The following TENM4 variants were observed in gnomAD, a reference collection of about 807,000 sequenced individuals.
TENM4 encodes the protein teneurin-4.
TENM4 carries 82 observed loss-of-function variants against 243.3 expected under a neutral mutation model. That is an observed-to-expected ratio of 0.34 (90% confidence interval 0.28 to 0.40). The LOEUF (loss-of-function observed/expected upper bound fraction) is 0.40. TENM4 is among the 10% of genes least tolerant of loss of function. The pLI, the probability that TENM4 is intolerant of heterozygous loss-of-function variation, is 1.00. For synonymous variants in TENM4, 1,412 were observed against 1,456.3 expected (o/e 0.97, Z 0.69); for missense variants, 3,138 against 3,673.3 (o/e 0.85, Z 3.77).
chr11:78,934,545 T>C (rs1856742128), intron 6 of TENM4, among the ~76,000 whole-genome samples: 1 of 152,206 alleles, frequency 6.6e-6, no homozygotes, highest in African/African-American at 2.4e-5. Flanking sequence ...CTTGACTCTC[T>C]GAGTCTATGA....
chr11:79,046,453 C>A (rs1006576803), intron 6 of TENM4, among the ~76,000 whole-genome samples: 5 of 149,042 alleles, frequency 3.4e-5, no homozygotes, highest in Admixed American at 2.6e-4. Flanking sequence ...CTCTCCCCCC[C>A]AAAAAAACGA....
At chr11:78,926,430 C>T (rs927230700) in intron 6 of TENM4, among the ~76,000 whole-genome samples, 5 of 151,808 alleles carry the variant, frequency 3.3e-5, no homozygotes, top group African/African-American at 1.2e-4. Flanking sequence ...CATGCTACCA[C>T]GCCTGGCTAA....
chr11:78,949,263 G>C (rs1857067586), intron 6 of TENM4, among the ~76,000 whole-genome samples: 1 of 152,222 alleles, frequency 6.6e-6, no homozygotes, highest in African/African-American at 2.4e-5. Flanking sequence ...AGCAGGACTG[G>C]ATGTTAATGC....
chr11:78,800,820 C>A (rs970324051), intron 15 of TENM4, among the ~76,000 whole-genome samples: 2 of 151,022 alleles, frequency 1.3e-5, no homozygotes, highest in African/African-American at 4.9e-5. Flanking sequence ...GACCTTGGAG[C>A]CAGATGTGGT....
In TENM4 at chr11:78,856,036, G is replaced by A. The variant is rs1858672551; in HGVS notation, c.1398C>T (p.Phe466=). The A allele has an allele frequency of 9.0e-6, 14 of 1,551,614 alleles. No individual in the cohort carries two copies. Among genetic ancestry groups the A allele is most frequent in the Non-Finnish European group, 1.2e-5 (14 of 1,147,016 alleles). Reference sequence around the variant, plus strand: ...GGGCTGCCTTTCCCAGAGACACATTGAATTTCAGATGCACAGGATGGTCTA... The same window carrying A: ...GGGCTGCCTTTCCCAGAGACACATTAAATTTCAGATGCACAGGATGGTCTA... ...VFIDHPVHLK[F]NVSLGKAALV... The change falls in exon 11 of 34, where the codon TTC becomes TTT. Residue 466 remains phenylalanine, a synonymous_variant. Transcript: ENST00000278550.
chr11:79,219,276 T>C (rs1864113734), intron 2 of TENM4, among the ~76,000 whole-genome samples: 1 of 152,200 alleles, frequency 6.6e-6, no homozygotes, highest in African/African-American at 2.4e-5. Context: ...GTGGAGGACA[T>C]CACACCCAAC....
intron 2 of TENM4, among the ~76,000 whole-genome samples, chr11:79,279,078 A>T (rs1258988895): frequency 6.6e-6 from 1 of 152,164 alleles, no homozygotes; most frequent in Admixed American, 6.5e-5. Flanking sequence ...CTCACATCCC[A>T]GACAAACAGG....
In TENM4 at chr11:78,670,048, G is replaced by A. The variant is rs548460296; in HGVS notation, c.6297C>T (p.Asn2099=). Reference sequence around the variant, plus strand: ...AGAGATCAATGGGCAGTGGGGTCTCGTTGATCACAGCCTGCATGCTGGTCA... The same window carrying A: ...AGAGATCAATGGGCAGTGGGGTCTCATTGATCACAGCCTGCATGCTGGTCA... ...FRVTSMQAVI[N]ETPLPIDLYR... The change falls in exon 32 of 34, where the codon AAC becomes AAT. Residue 2099 remains asparagine (N), a synonymous_variant. Coordinates refer to ENST00000278550, the MANE Select transcript of TENM4 (RefSeq NM_001098816.3). 155 of 1,613,920 alleles carry A rather than the reference G, an allele frequency of 9.6e-5. 3 individuals carry two copies. In the South Asian group the frequency reaches 1.3e-3, roughly 14 times the overall value.
intron 2 of TENM4, among the ~76,000 whole-genome samples, chr11:79,260,155 T>C (rs1002118702): frequency 3.3e-5 from 5 of 152,208 alleles, no homozygotes; most frequent in African/African-American, 1.2e-4. Context: ...AAAATATAAC[T>C]TCATTTAAGG....
chr11:78,906,871 A>G (rs1446640230), intron 6 of TENM4, among the ~76,000 whole-genome samples: 3 of 152,156 alleles, frequency 2.0e-5, no homozygotes, highest in Non-Finnish European at 4.4e-5. Context: ...GCAGATGCTC[A>G]ATTAAGTTTA....
At chr11:79,401,392 C>T (rs1417625221) in intron 1 of TENM4, among the ~76,000 whole-genome samples, 1 of 152,168 alleles carries the variant, frequency 6.6e-6, no homozygotes, top group East Asian at 1.9e-4. Flanking sequence ...GGCTGTCTAA[C>T]CCCGGAGCCT....
At position 79,440,637 on chromosome 11, in the gene TENM4, C is replaced by A. The variant is rs1859384798; in HGVS notation, c.-449G>T. On this transcript the variant is annotated 5_prime_UTR_variant, in exon 1 of 34. Transcript: ENST00000278550. This position sits in a 1 kb window ranked among gnomAD's most constrained non-coding sequence, Gnocchi z 4.7. ...GCTCCGCGAGCCGTAGCGGGGCGCC[C>A]AGGAAGGAGCAGGTCCGGGCTCTGC... is the stretch of plus-strand genomic sequence containing the variant. 6.6e-6 allele frequency: 1 copy of A among 152,064 alleles called. No homozygotes were observed. Among genetic ancestry groups the A allele is most frequent in the South Asian group, 2.1e-4 (1 of 4,828 alleles). The allele number at this position is 152,064 out of a possible 1,614,324, so 9.4% of individuals were successfully genotyped here. A position where few individuals can be genotyped will look rare whatever the true frequency, so the allele number is the denominator to read the frequency against.
chr11:78,761,059 C>A, intron 18 of TENM4, among the ~76,000 whole-genome samples: 1 of 151,730 alleles, frequency 6.6e-6, no homozygotes, highest in East Asian at 1.9e-4. Context: ...CATTTTATAG[C>A]CTTTTTCAGA....
intron 1 of TENM4, among the ~76,000 whole-genome samples, chr11:79,367,938 A>C (rs1323680599): frequency 6.6e-6 from 1 of 152,232 alleles, no homozygotes; most frequent in African/African-American, 2.4e-5. Context: ...AATAGCAATA[A>C]TAAGTGATAA....
intron 27 of TENM4, among the ~76,000 whole-genome samples, chr11:78,705,022 C>G (rs1187155476): frequency 6.6e-6 from 1 of 152,262 alleles, no homozygotes; most frequent in Non-Finnish European, 1.5e-5. Context: ...CGCTGCCGGC[C>G]AGTGCTGCTG....
At chr11:78,708,626 A>G in intron 26 of TENM4, 111 bp from the exon 27 acceptor site, 1 of 1,276,818 alleles carries the variant, frequency 7.8e-7, no homozygotes. Context: ...ATTGGGTTTG[A>G]GCCTCCCACA....
At chr11:79,256,963 G>T (rs1331918522) in intron 2 of TENM4, among the ~76,000 whole-genome samples, 1 of 152,188 alleles carries the variant, frequency 6.6e-6, no homozygotes, top group East Asian at 1.9e-4. Context: ...GTCAGGATCA[G>T]TGACAAAGTC....
intron 4 of TENM4, among the ~76,000 whole-genome samples, chr11:79,138,331 T>TATATATATATATATATA (rs1555015535): frequency 5.3e-5 from 4 of 76,130 alleles, no homozygotes; most frequent in East Asian, 5.7e-4. Flanking sequence ...ATATATATAT[T>TATATATATATATATATA]ATATATATAA....
At chr11:79,143,157 C>A (rs1018507371) in intron 4 of TENM4, among the ~76,000 whole-genome samples, 1 of 152,018 alleles carries the variant, frequency 6.6e-6, no homozygotes, top group Non-Finnish European at 1.5e-5. Flanking sequence ...ACCATTTGAC[C>A]CAGCGATCCC....
Sources: gnomAD v4.1 joint callset for allele counts (sites outside exome capture counted in the v4.1 genomes callset) on GRCh38, gnomAD v4.1.1 for gene constraint, Gnocchi (gnomAD v3.1) non-coding constraint, MANE v1.5 for transcripts, NCBI Gene and HGNC (gene_info 2026-07-23, HGNC 2026-07-21) for gene names.